Variants in AFG2A observed in about 807,000 individuals in gnomAD.
AFG2A encodes the protein ATPase family gene 2 protein homolog A.
At chr4:123,100,561 T>C in the AFG2A span, among the ~76,000 whole-genome samples, 2,248 of 151,970 alleles carry the variant, frequency 0.015, 48 homozygotes, top group African/African-American at 0.051. Flanking sequence ...AAATATATAT[T>C]GATTGGTTGT....
chr4:123,248,626 A>G, the AFG2A span, among the ~76,000 whole-genome samples: 3 of 152,168 alleles, frequency 2.0e-5, no homozygotes, highest in African/African-American at 7.2e-5. Context: ...TCTATTAGGA[A>G]AGGGTTATGA....
the AFG2A span, among the ~76,000 whole-genome samples, chr4:123,243,247 G>C: frequency 1.3e-5 from 2 of 152,126 alleles, no homozygotes; most frequent in East Asian, 3.9e-4. Context: ...CCATTACTGG[G>C]TATATACCCA....
the AFG2A span, among the ~76,000 whole-genome samples, chr4:123,078,706 A>G: frequency 6.5e-3 from 987 of 152,258 alleles, 4 homozygotes; most frequent in African/African-American, 0.022. Flanking sequence ...ACCAAAAAGT[A>G]TCTTTGGATT....
At chr4:123,192,467 G>A in the AFG2A span, among the ~76,000 whole-genome samples, 1 of 152,276 alleles carries the variant, frequency 6.6e-6, no homozygotes, top group South Asian at 2.1e-4. Context: ...TAAAGATGGA[G>A]GCTACTAGCT....
the AFG2A span, among the ~76,000 whole-genome samples, chr4:123,277,489 CT>C: frequency 6.6e-6 from 1 of 152,160 alleles, no homozygotes; most frequent in Non-Finnish European, 1.5e-5. Context: ...CCTGATTTCT[CT>C]GGCTAGGACT....
chr4:123,147,173 C>G, the AFG2A span, among the ~76,000 whole-genome samples: 1 of 152,056 alleles, frequency 6.6e-6, no homozygotes, highest in Non-Finnish European at 1.5e-5. Flanking sequence ...TCTCTTTAAA[C>G]CAGGAGATGT....
At chr4:123,187,661 A>G in the AFG2A span, among the ~76,000 whole-genome samples, 1 of 152,040 alleles carries the variant, frequency 6.6e-6, no homozygotes, top group Non-Finnish European at 1.5e-5. Flanking sequence ...CTAATCCTTT[A>G]TACTCTAGGT....
chr4:123,133,483 C>T, the AFG2A span, among the ~76,000 whole-genome samples: 9 of 71,510 alleles, frequency 1.3e-4, no homozygotes, highest in South Asian at 3.3e-3. Context: ...CTATCATAGG[C>T]GTGTGCGTGT....
chr4:123,019,416 C>G, the AFG2A span, among the ~76,000 whole-genome samples: 6 of 152,002 alleles, frequency 3.9e-5, no homozygotes, highest in Admixed American at 3.9e-4. Flanking sequence ...TGTGTGTTTG[C>G]ATTTGGAGAG....
At chr4:123,088,396 G>A in the AFG2A span, among the ~76,000 whole-genome samples, 292 of 152,262 alleles carry the variant, frequency 1.9e-3, 1 homozygote, top group Middle Eastern at 0.01. Flanking sequence ...TAATTTATTG[G>A]CAGCCTGAAA....
At chr4:123,074,095 A>ATTTTTTTTTTTTTTTTTTTTTTTTTTTT in the AFG2A span, among the ~76,000 whole-genome samples, 1 of 102,068 alleles carries the variant, frequency 9.8e-6, no homozygotes, top group African/African-American at 3.4e-5. Context: ...CTCAGATAGT[A>ATTTTTTTTTTTTTTTTTTTTTTTTTTTT]TTTTTTTTTT....
chr4:123,224,187 C>T, the AFG2A span, among the ~76,000 whole-genome samples: 7 of 151,566 alleles, frequency 4.6e-5, no homozygotes, highest in African/African-American at 1.7e-4. Flanking sequence ...TTTGTTGAGT[C>T]ATCTCTCCTT....
the AFG2A span, among the ~76,000 whole-genome samples, chr4:123,130,361 A>G: frequency 2.0e-5 from 3 of 152,194 alleles, no homozygotes; most frequent in Admixed American, 1.3e-4. Context: ...GGTAACCACC[A>G]ACACAATCAC....
the AFG2A span, among the ~76,000 whole-genome samples, chr4:123,195,609 A>G: frequency 6.6e-6 from 1 of 152,228 alleles, no homozygotes; most frequent in Non-Finnish European, 1.5e-5. Flanking sequence ...TCTTATTAAG[A>G]TAAGAATCTT....
chr4:122,980,285 C>G, the AFG2A span, among the ~76,000 whole-genome samples: 1 of 152,110 alleles, frequency 6.6e-6, no homozygotes, highest in Non-Finnish European at 1.5e-5. Context: ...CATAATGTTC[C>G]CCAGATTCAT....
At chr4:123,137,422 C>T in the AFG2A span, among the ~76,000 whole-genome samples, 1 of 152,182 alleles carries the variant, frequency 6.6e-6, no homozygotes, top group African/African-American at 2.4e-5. Flanking sequence ...AAGCTCTATT[C>T]TTAGATGCAT....
chr4:123,227,782 C>T, the AFG2A span, among the ~76,000 whole-genome samples: 2 of 152,078 alleles, frequency 1.3e-5, no homozygotes, highest in South Asian at 2.1e-4. Flanking sequence ...CTTTCTGTCT[C>T]GTTGATCTGT....
chr4:123,161,736 G>T, the AFG2A span, among the ~76,000 whole-genome samples: 3 of 152,156 alleles, frequency 2.0e-5, no homozygotes, highest in Non-Finnish European at 4.4e-5. Flanking sequence ...TGCTCTGACT[G>T]GATTAGAAGA....
At chr4:123,290,670 CA>C in the AFG2A span, among the ~76,000 whole-genome samples, 1 of 152,088 alleles carries the variant, frequency 6.6e-6, no homozygotes, top group Non-Finnish European at 1.5e-5. Flanking sequence ...TGGCAGCAGG[CA>C]AAAAGAGAGC....
Sources: allele counts gnomAD v4.1 joint callset (sites outside exome capture counted in the v4.1 genomes callset), GRCh38; gene constraint gnomAD v4.1.1; transcripts MANE v1.5; gene names NCBI Gene and HGNC (gene_info 2026-07-23, HGNC 2026-07-21).